The following GPC6 variants were observed in gnomAD, a reference collection of about 807,000 sequenced individuals.
GPC6 encodes the protein glypican 6, also known as glypican-6.
In GPC6, 14 loss-of-function variants were observed where a neutral mutation model predicts 55.2. That is an observed-to-expected ratio of 0.25 (90% CI 0.17 to 0.40). The LOEUF (loss-of-function observed/expected upper bound fraction) is 0.40, where lower values mean the gene tolerates loss of function less well. GPC6 is among the 10% of genes least tolerant of loss of function. The pLI is 1.00. For synonymous variants in GPC6, 278 were observed against 259.6 expected, an observed-to-expected ratio of 1.07 and a Z score of -0.68; for missense variants, 641 against 708.5, an observed-to-expected ratio of 0.90 and a Z score of 1.08.
intron 4 of GPC6, among the ~76,000 whole-genome samples, chr13:94,036,304 GA>G (rs749396980): frequency 2.0e-5 from 3 of 151,936 alleles, no homozygotes; most frequent in Non-Finnish European, 4.4e-5. Flanking sequence ...AATCCCACAT[GA>G]AAAAGATATG....
At chr13:93,926,069 A>G (rs1290113905) in intron 3 of GPC6, among the ~76,000 whole-genome samples, 1 of 152,190 alleles carries the variant, frequency 6.6e-6, no homozygotes, top group Non-Finnish European at 1.5e-5. Context: ...ACTGACTGCC[A>G]GCAAGCATTC....
intron 3 of GPC6, among the ~76,000 whole-genome samples, chr13:93,876,440 A>G (rs1889298928): frequency 6.6e-6 from 1 of 152,072 alleles, no homozygotes; most frequent in Non-Finnish European, 1.5e-5. Flanking sequence ...CTTCTTTGTG[A>G]TAAGCACACA....
At chr13:93,930,118 A>G (rs989439233) in intron 3 of GPC6, among the ~76,000 whole-genome samples, 3 of 152,186 alleles carry the variant, frequency 2.0e-5, no homozygotes, top group Non-Finnish European at 2.9e-5. Context: ...ATTCTAATTC[A>G]TTTGGGAAAG....
intron 6 of GPC6, among the ~76,000 whole-genome samples, chr13:94,324,337 C>G (rs987251818): frequency 1.3e-5 from 2 of 148,738 alleles, no homozygotes; most frequent in African/African-American, 4.9e-5. Context: ...AAAACTCAAG[C>G]CAGACAAGGT....
At chr13:94,369,257 A>AAATAG (rs1395290499) in intron 6 of GPC6, among the ~76,000 whole-genome samples, 2 of 152,192 alleles carry the variant, frequency 1.3e-5, no homozygotes, top group Non-Finnish European at 2.9e-5. Context: ...TGCACACAAC[A>AAATAG]GGTAGCCAGT....
chr13:94,382,294 T>C, intron 6 of GPC6, 120 bp from the exon 7 acceptor site: 1 of 1,057,676 alleles, frequency 9.5e-7, no homozygotes, highest in South Asian at 1.3e-5. Flanking sequence ...CTTAAAACTG[T>C]TAAAGAGTTC....
At chr13:94,286,991 A>C (rs978235405) in intron 5 of GPC6, among the ~76,000 whole-genome samples, 3 of 152,230 alleles carry the variant, frequency 2.0e-5, no homozygotes, top group Non-Finnish European at 2.9e-5. Flanking sequence ...GTATGAAGTC[A>C]AGCACACATG....
chr13:93,979,874 T>A (rs1021127006), intron 3 of GPC6, among the ~76,000 whole-genome samples: 7 of 152,070 alleles, frequency 4.6e-5, no homozygotes. Flanking sequence ...AGACCAGACC[T>A]TTCAGAAAGA....
chr13:93,357,909 T>C (rs534293091), intron 1 of GPC6, among the ~76,000 whole-genome samples: 1 of 152,330 alleles, frequency 6.6e-6, no homozygotes, highest in South Asian at 2.1e-4. Flanking sequence ...TATCTGAGAA[T>C]AGATGGTGTC....
chr13:93,283,080 G>T (rs1877999882), intron 1 of GPC6, among the ~76,000 whole-genome samples: 1 of 142,428 alleles, frequency 7.0e-6, no homozygotes, highest in African/African-American at 2.6e-5. Flanking sequence ...TGGTTCTTTT[G>T]GTAATTAATT....
At chr13:94,058,037 G>A (rs1884189383) in intron 4 of GPC6, among the ~76,000 whole-genome samples, 1 of 152,156 alleles carries the variant, frequency 6.6e-6, no homozygotes, top group Non-Finnish European at 1.5e-5. Flanking sequence ...TCAAAGGAAT[G>A]TCTTAGTAAG....
chr13:93,995,198 ATTTTT>A (rs869111911), intron 3 of GPC6, among the ~76,000 whole-genome samples: 18 of 74,738 alleles, frequency 2.4e-4, no homozygotes, highest in African/African-American at 6.3e-4. Flanking sequence ...ATTTTATTTT[ATTTTT>A]TTGAGACTGA....
chr13:93,461,455 T>A lies in GPC6; in HGVS notation c.161-83808T>A, dbSNP rs535344385. 8.5e-5 allele frequency among the ~76,000 whole-genome samples: 13 copies of A among 152,294 alleles called. No individual in the cohort carries two copies. In the South Asian group the frequency reaches 2.7e-3, roughly 32 times the overall value. Reference sequence around the variant, plus strand: ...ATTATTCTTTTAAAAGCTTAAATAATTTAGTTAAATAACTTTACAATTCAC... The same window carrying A: ...ATTATTCTTTTAAAAGCTTAAATAAATTAGTTAAATAACTTTACAATTCAC... On this transcript the variant is annotated intron_variant, in intron 1 of 8. Transcript: ENST00000377047.
At chr13:94,295,268 A>G (rs1784550745) in intron 5 of GPC6, among the ~76,000 whole-genome samples, 1 of 152,188 alleles carries the variant, frequency 6.6e-6, no homozygotes, top group Non-Finnish European at 1.5e-5. Flanking sequence ...GCACAATGAT[A>G]TAATCCATGT....
chr13:94,355,382 A>G (rs1201593439), intron 6 of GPC6, among the ~76,000 whole-genome samples: 1 of 152,012 alleles, frequency 6.6e-6, no homozygotes, highest in Non-Finnish European at 1.5e-5. Flanking sequence ...CCACCCTCTC[A>G]GTCTTCTTCC....
In GPC6 at chr13:93,908,464, G is replaced by T. The variant is rs542853712; in HGVS notation, c.711+77919G>T. The stretch of plus-strand genomic sequence containing the variant: ...TGATTTGGTAAATAAATCTCCTAAA[G>T]CCAGTGCGAAATCAAGCAACTAGAG... On this transcript the variant is annotated intron_variant, in intron 3 of 8. Transcript: ENST00000377047. 1.1e-4 allele frequency among the ~76,000 whole-genome samples: 17 copies of T among 152,248 alleles called. No homozygotes were observed. In the East Asian group the frequency reaches 3.3e-3, roughly 29 times the overall value.
chr13:93,658,981 C>A (rs1353535053), intron 2 of GPC6, among the ~76,000 whole-genome samples: 2 of 151,772 alleles, frequency 1.3e-5, no homozygotes, highest in African/African-American at 4.8e-5. Flanking sequence ...TAAATTTCAT[C>A]AGTAAAAGCA....
At chr13:94,382,058 A>G (rs1663015721) in intron 6 of GPC6, among the ~76,000 whole-genome samples, 2 of 152,232 alleles carry the variant, frequency 1.3e-5, no homozygotes, top group South Asian at 4.1e-4. Flanking sequence ...ATGCAAGCAA[A>G]TGAATTCTAG....
intron 3 of GPC6, among the ~76,000 whole-genome samples, chr13:93,952,898 C>CGT (rs986345404): frequency 2.8e-5 from 4 of 143,318 alleles, no homozygotes; most frequent in African/African-American, 1.0e-4. Flanking sequence ...GTGATATATA[C>CGT]GTGTATATAT....
Sources: allele counts gnomAD v4.1 joint callset (sites outside exome capture counted in the v4.1 genomes callset), GRCh38; gene constraint gnomAD v4.1.1; transcripts MANE v1.5; gene names NCBI Gene and HGNC (gene_info 2026-07-23, HGNC 2026-07-21).